Variants in COMMD1 observed in about 807,000 individuals in gnomAD.
COMMD1 encodes the protein COMM domain-containing protein 1.
In COMMD1, 10 loss-of-function variants were observed where a neutral mutation model predicts 17.2. That is an observed-to-expected ratio of 0.58 (90% confidence interval 0.36 to 0.99). The LOEUF (loss-of-function observed/expected upper bound fraction) is 0.99. Ranked by LOEUF, COMMD1 falls within the 50% of genes least tolerant of loss-of-function variation. The pLI is 0.01. For missense variants in COMMD1, 270 were observed against 231.8 expected (o/e 1.17, Z -1.07); for synonymous variants, 97 against 91.6 (o/e 1.06, Z -0.34).
intron 2 of COMMD1, among the ~76,000 whole-genome samples, chr2:62,087,553 C>G (rs1278867064): frequency 6.6e-6 from 1 of 152,148 alleles, no homozygotes; most frequent in Non-Finnish European, 1.5e-5. Flanking sequence ...TGAGACCAGC[C>G]TGGCCAACAT....
chr2:62,023,917 A>G (rs1439782334), intron 2 of COMMD1, among the ~76,000 whole-genome samples: 1 of 152,210 alleles, frequency 6.6e-6, no homozygotes, highest in Non-Finnish European at 1.5e-5. Flanking sequence ...CAGTCATTTA[A>G]AAAAAATCAG....
chr2:62,012,677 C>T (rs1378775829), intron 2 of COMMD1, among the ~76,000 whole-genome samples: 1 of 152,092 alleles, frequency 6.6e-6, no homozygotes, highest in East Asian at 1.9e-4. Flanking sequence ...CACCACCTCC[C>T]ACAATGTTGA....
At chr2:61,888,442 G>A (rs377231309), upstream of COMMD1, 1 of 1,611,810 alleles carries the variant, frequency 6.2e-7, no homozygotes, top group Non-Finnish European at 8.5e-7. Flanking sequence ...CCTGATAGGC[G>A]CCTTTCCCGC....
At chr2:61,904,959 C>T (rs1669734998), upstream of COMMD1, among the ~76,000 whole-genome samples, 1 of 152,212 alleles carries the variant, frequency 6.6e-6, no homozygotes, top group African/African-American at 2.4e-5. Flanking sequence ...TATCTGGCTT[C>T]TTTTACTAAT....
rs578171711 is a variant in COMMD1, at chr2:62,132,969, T to G, written c.463-2862T>G. On this transcript the variant is annotated intron_variant, in intron 2 of 2. Transcript: ENST00000311832. The stretch of plus-strand genomic sequence containing the variant: ...ACTGCCTAATTTGTCATAAATCTGC[T>G]TTTCTTTCCAAAAGGAGATAACCCC... Among the ~76,000 whole-genome samples the G allele has an allele frequency of 2.0e-5, 3 of 152,358 alleles. No homozygotes were observed. The South Asian group carries it at 6.2e-4, about 32-fold the overall frequency.
intron 1 of COMMD1, among the ~76,000 whole-genome samples, chr2:61,956,415 T>G (rs1044723976): frequency 6.6e-6 from 1 of 152,028 alleles, no homozygotes; most frequent in Non-Finnish European, 1.5e-5. Context: ...TTGTAAAATT[T>G]TTTTTTTTTT....
chr2:61,951,309 C>A (rs930430858), intron 1 of COMMD1, among the ~76,000 whole-genome samples: 1 of 152,022 alleles, frequency 6.6e-6, no homozygotes, highest in African/African-American at 2.4e-5. Flanking sequence ...ACTAAAAATA[C>A]AAAAATTAGG....
At chr2:61,895,107 C>T (rs1189566647) in intron 1 of COMMD1, among the ~76,000 whole-genome samples, 2 of 152,024 alleles carry the variant, frequency 1.3e-5, no homozygotes, top group Non-Finnish European at 1.5e-5. Context: ...TTAACAATAG[C>T]AACAATGAAG....
intron 1 of COMMD1, among the ~76,000 whole-genome samples, chr2:61,890,895 C>T (rs897359801): frequency 2.0e-5 from 3 of 151,530 alleles, no homozygotes; most frequent in Admixed American, 2.0e-4. Context: ...CCTCTGAGGC[C>T]GACTTCTCTT....
chr2:62,105,155 A>G (rs1395793104), intron 2 of COMMD1, among the ~76,000 whole-genome samples: 5 of 151,652 alleles, frequency 3.3e-5, no homozygotes, highest in African/African-American at 1.2e-4. Flanking sequence ...GAAAAAAAAG[A>G]AAATTTTATA....
intron 1 of COMMD1, among the ~76,000 whole-genome samples, chr2:61,946,660 A>G (rs1205501945): frequency 6.6e-6 from 1 of 152,210 alleles, no homozygotes; most frequent in Non-Finnish European, 1.5e-5. Context: ...ACTACACTAT[A>G]CATCAGTACA....
At chr2:61,906,728 T>A (rs938475304) in intron 1 of COMMD1, among the ~76,000 whole-genome samples, 1 of 152,114 alleles carries the variant, frequency 6.6e-6, no homozygotes, top group Non-Finnish European at 1.5e-5. Flanking sequence ...GTTTTACATG[T>A]TGTTTCATTT....
intron 1 of COMMD1, among the ~76,000 whole-genome samples, chr2:61,967,129 G>A (rs970293235): frequency 2.0e-5 from 3 of 151,968 alleles, no homozygotes; most frequent in Non-Finnish European, 4.4e-5. Context: ...AATATGAAAC[G>A]AATATTTTAA....
intron 1 of COMMD1, among the ~76,000 whole-genome samples, chr2:61,983,586 T>A (rs1391626391): frequency 6.6e-6 from 1 of 152,220 alleles, no homozygotes; most frequent in Non-Finnish European, 1.5e-5. Flanking sequence ...GTTGTATGTG[T>A]CTAGGAATTT....
At position 62,014,891 on chromosome 2, in the gene COMMD1, C is replaced by T. The variant is rs528387356; in HGVS notation, c.462+13909C>T. The stretch of plus-strand genomic sequence containing the variant: ...TTTCAGCAGTTTTTAAGTGTACAGT[C>T]CAGTGGTATTAAGTACAGCCCAGTG... On this transcript the variant is annotated intron_variant, in intron 2 of 2. Coordinates refer to ENST00000311832, the MANE Select transcript of COMMD1 (RefSeq NM_152516.4). Among the ~76,000 whole-genome samples, 10 of 151,874 alleles carry T rather than the reference C, an allele frequency of 6.6e-5. No individual in the cohort carries two copies. In the South Asian group the frequency reaches 2.1e-3, roughly 32 times the overall value.
chr2:62,087,740 T>C (rs917283092), intron 2 of COMMD1, among the ~76,000 whole-genome samples: 7 of 152,062 alleles, frequency 4.6e-5, no homozygotes, highest in Non-Finnish European at 1.0e-4. Context: ...AGAGTGAAAC[T>C]CCCTCTCAAA....
chr2:62,012,327 A>ATTTTT (rs57069379), intron 2 of COMMD1, among the ~76,000 whole-genome samples: 1 of 127,644 alleles, frequency 7.8e-6, no homozygotes, highest in Non-Finnish European at 1.7e-5. Flanking sequence ...TTTGGCAGTG[A>ATTTTT]TTTTTTTTTT....
chr2:62,075,564 C>T (rs1004803863), intron 2 of COMMD1, among the ~76,000 whole-genome samples: 1 of 152,190 alleles, frequency 6.6e-6, no homozygotes, highest in Non-Finnish European at 1.5e-5. Context: ...AGCATTGTAA[C>T]TCCTCTTTTG....
intron 1 of COMMD1, among the ~76,000 whole-genome samples, chr2:61,923,401 T>C (rs189925244): frequency 6.6e-6 from 1 of 152,304 alleles, no homozygotes; most frequent in African/African-American, 2.4e-5. Context: ...AAACACTGTG[T>C]ATTTCTCAAC....
Sources: allele counts gnomAD v4.1 joint callset (sites outside exome capture counted in the v4.1 genomes callset), GRCh38; gene constraint gnomAD v4.1.1; transcripts MANE v1.5; gene names NCBI Gene and HGNC (gene_info 2026-07-23, HGNC 2026-07-21).